The following B4GALT6 variants were observed in gnomAD, a reference collection of about 807,000 sequenced individuals.
B4GALT6 encodes the protein beta-1,4-galactosyltransferase 6.
Under a neutral mutation model 46.3 loss-of-function variants are expected in B4GALT6, and 14 were observed. The observed-to-expected ratio is 0.30, with a 90% CI of 0.20 to 0.47. The LOEUF (loss-of-function observed/expected upper bound fraction) is 0.47, where lower values mean the gene tolerates loss of function less well. Among genes scored for constraint, B4GALT6 ranks in the 20% least tolerant of loss-of-function variants. The pLI, the probability that B4GALT6 is intolerant of heterozygous loss-of-function variation, is 0.99. For missense variants in B4GALT6, 386 were observed against 480.1 expected, an observed-to-expected ratio of 0.80 and a Z score of 1.83; for synonymous variants, 168 against 162.0, an observed-to-expected ratio of 1.04 and a Z score of -0.28.
the B4GALT6 span, among the ~76,000 whole-genome samples, chr18:31,704,688 C>T: frequency 6.6e-6 from 1 of 152,156 alleles, no homozygotes; most frequent in African/African-American, 2.4e-5. Context: ...ACCAACAATA[C>T]ATACTTGTGA....
upstream of B4GALT6, among the ~76,000 whole-genome samples, chr18:31,690,574 C>T (rs529294291): frequency 1.3e-5 from 2 of 152,004 alleles, no homozygotes; most frequent in Admixed American, 1.3e-4. Flanking sequence ...GGTTCAAGCG[C>T]TTCTGCTGGC....
chr18:31,677,681 T>C (rs1235762880), intron 1 of B4GALT6, among the ~76,000 whole-genome samples: 4 of 152,172 alleles, frequency 2.6e-5, no homozygotes, highest in Admixed American at 2.6e-4. Context: ...TGAAAACATC[T>C]TTTAAATATT....
At chr18:31,663,969 A>G (rs775360630) in intron 2 of B4GALT6, among the ~76,000 whole-genome samples, 20 of 152,224 alleles carry the variant, frequency 1.3e-4, no homozygotes, top group Non-Finnish European at 1.8e-4. Context: ...TGCCAGTTTC[A>G]CTAGAGTTCC....
At chr18:31,635,583 A>G (rs985173318) in intron 5 of B4GALT6, among the ~76,000 whole-genome samples, 3 of 152,200 alleles carry the variant, frequency 2.0e-5, no homozygotes, top group Admixed American at 6.5e-5. Context: ...CAAAAAACAA[A>G]ACAAAACAAA....
chr18:31,666,279 T>C lies in B4GALT6; in HGVS notation c.209A>G (p.Lys70Arg). 1 of 1,603,532 alleles carries C rather than the reference T, an allele frequency of 6.2e-7. No individual in the cohort carries two copies. The change falls in exon 2 of 9, where the codon AAA becomes AGA. Residue 70 changes from lysine (K) to arginine (R), a missense_variant. Lys to Arg is a conservative substitution (Grantham distance 26, BLOSUM62 2). Around this residue, in one of 2 missense-constraint regions of B4GALT6, gnomAD observed 323 missense variants for 438.9 expected, o/e 0.74. Transcript: ENST00000306851. Reference sequence around the variant, plus strand: ...ACCTGTACCGTTGAGCGTACTGTTTTTATTTGTGTACAGCCTGATCATATG... The same window carrying C: ...ACCTGTACCGTTGAGCGTACTGTTTCTATTTGTGTACAGCCTGATCATATG... ...IGHMIRLYTN[K>R]NSTLNGTDYP... is the part of the protein sequence containing the mutation.
At chr18:31,687,435 G>A (rs2029966335), upstream of B4GALT6, among the ~76,000 whole-genome samples, 1 of 152,152 alleles carries the variant, frequency 6.6e-6, no homozygotes, top group South Asian at 2.1e-4. Flanking sequence ...ATGCCTCAGG[G>A]TCTCAGCTCA....
At chr18:31,718,567 T>C in the B4GALT6 span, among the ~76,000 whole-genome samples, 222 of 152,270 alleles carry the variant, frequency 1.5e-3, 1 homozygote, top group African/African-American at 5.1e-3. Flanking sequence ...GAATCAGTTG[T>C]GCAGAGTCAC....
intron 3 of B4GALT6, among the ~76,000 whole-genome samples, chr18:31,657,152 G>T (rs1173328049): frequency 6.6e-6 from 1 of 151,946 alleles, no homozygotes; most frequent in Non-Finnish European, 1.5e-5. Flanking sequence ...CAACCCTCAA[G>T]TACACATGCA....
intron 3 of B4GALT6, among the ~76,000 whole-genome samples, chr18:31,657,724 T>C (rs1406335265): frequency 6.6e-6 from 1 of 152,262 alleles, no homozygotes; most frequent in Non-Finnish European, 1.5e-5. Context: ...TTTTTAAAAC[T>C]GGTTGGGAAC....
intron 2 of B4GALT6, among the ~76,000 whole-genome samples, chr18:31,659,889 A>C (rs968548210): frequency 4.0e-5 from 6 of 151,616 alleles, no homozygotes; most frequent in Non-Finnish European, 8.8e-5. Flanking sequence ...TGTCTAAAAG[A>C]TTTAAAGATA....
At chr18:31,711,488 CT>C in the B4GALT6 span, among the ~76,000 whole-genome samples, 1 of 152,122 alleles carries the variant, frequency 6.6e-6, no homozygotes, top group Non-Finnish European at 1.5e-5. Context: ...TTAGCTCCCA[CT>C]TGTAAGTGAG....
At chr18:31,699,154 A>G in the B4GALT6 span, among the ~76,000 whole-genome samples, 1 of 152,102 alleles carries the variant, frequency 6.6e-6, no homozygotes, top group Non-Finnish European at 1.5e-5. Context: ...CTACAGGAAC[A>G]TTGAATTCTA....
the B4GALT6 span, among the ~76,000 whole-genome samples, chr18:31,699,675 T>C: frequency 6.9e-6 from 1 of 145,686 alleles, no homozygotes; most frequent in Non-Finnish European, 1.5e-5. Flanking sequence ...ATACGAGAAC[T>C]GTGGCTCTCA....
chr18:31,688,760 G>A (rs1004473794), upstream of B4GALT6, among the ~76,000 whole-genome samples: 4 of 152,102 alleles, frequency 2.6e-5, no homozygotes, highest in Admixed American at 6.6e-5. Context: ...GCCAAAGCTC[G>A]GGAGGTAAAA....
intron 3 of B4GALT6, among the ~76,000 whole-genome samples, chr18:31,651,521 T>C (rs2074067297): frequency 6.6e-6 from 1 of 152,116 alleles, no homozygotes. Flanking sequence ...AGCTGCTCAA[T>C]CCTTCCTGGC....
the B4GALT6 span, among the ~76,000 whole-genome samples, chr18:31,721,426 C>T: frequency 2.6e-5 from 4 of 152,026 alleles, no homozygotes; most frequent in East Asian, 3.8e-4. Flanking sequence ...ACATTATAAA[C>T]CATCATGAAT....
chr18:31,709,434 C>CATATAT, the B4GALT6 span, among the ~76,000 whole-genome samples: 5,231 of 130,834 alleles, frequency 0.04, 120 homozygotes, highest in Non-Finnish European at 0.049. Context: ...GCAATTCATA[C>CATATAT]ATATATATAT....
At chr18:31,646,690 G>A (rs2073994740) in intron 3 of B4GALT6, among the ~76,000 whole-genome samples, 1 of 152,118 alleles carries the variant, frequency 6.6e-6, no homozygotes, top group African/African-American at 2.4e-5. Flanking sequence ...AAAACACTCA[G>A]TTCCTCTCTA....
At chr18:31,652,679 C>CTTCAT (rs1196880775) in intron 3 of B4GALT6, among the ~76,000 whole-genome samples, 1 of 152,232 alleles carries the variant, frequency 6.6e-6, no homozygotes, top group East Asian at 1.9e-4. Context: ...CTGTATCACA[C>CTTCAT]TTCAGTTCAT....
Sources: allele counts gnomAD v4.1 joint callset (sites outside exome capture counted in the v4.1 genomes callset), GRCh38; gene constraint gnomAD v4.1.1; regional missense constraint gnomAD v4.1.1; transcripts MANE v1.5; gene names NCBI Gene and HGNC (gene_info 2026-07-23, HGNC 2026-07-21).